Variants in MINPP1 observed in about 807,000 individuals in gnomAD.
MINPP1 encodes the protein multiple inositol polyphosphate phosphatase 1.
Under a neutral mutation model 46.1 loss-of-function variants are expected in MINPP1, and 28 were observed. The observed-to-expected ratio is 0.61, with a 90% CI of 0.45 to 0.83. MINPP1 has a LOEUF of 0.83. Ranked by LOEUF, MINPP1 falls within the 40% of genes least tolerant of loss-of-function variation. MINPP1 has a pLI of 0.00. For synonymous variants in MINPP1, 268 were observed against 249.1 expected, an observed-to-expected ratio of 1.08 and a Z score of -0.72; for missense variants, 603 against 610.0, an observed-to-expected ratio of 0.99 and a Z score of 0.12.
At chr10:87,514,536 A>G (rs571532098) in intron 3 of MINPP1, among the ~76,000 whole-genome samples, 7 of 152,080 alleles carry the variant, frequency 4.6e-5, no homozygotes, top group Non-Finnish European at 7.4e-5. Context: ...TCCTTCGTAC[A>G]TTGGCGTTTT....
chr10:87,522,588 A>G (rs1851518679), intron 4 of MINPP1, among the ~76,000 whole-genome samples: 1 of 152,216 alleles, frequency 6.6e-6, no homozygotes, highest in Non-Finnish European at 1.5e-5. Context: ...AACAATACAT[A>G]CATACCTTAA....
rs1851975082 is a variant in MINPP1, at chr10:87,552,250, C to G, written c.1236C>G (p.Ala412=). 2 of 1,613,676 alleles carry G rather than the reference C, an allele frequency of 1.2e-6. No homozygotes were observed. The highest frequency in any genetic ancestry group is 1.7e-6 in the Non-Finnish European group (2 of 1,179,826). Residue 412 remains alanine, a synonymous_variant, in exon 5 of 5, where the codon GCC becomes GCG. Coordinates refer to ENST00000371996, the MANE Select transcript of MINPP1 (RefSeq NM_004897.5). The part of the protein sequence containing the change: ...KFRSGLIVPY[A]SNLIFVLYHC... The stretch of plus-strand genomic sequence containing the variant: ...GAAGTGGTCTCATTGTACCTTATGC[C>G]TCGAACCTGATATTTGTGCTTTACC...
At chr10:87,548,816 A>G (rs1851924087) in intron 4 of MINPP1, among the ~76,000 whole-genome samples, 4 of 151,974 alleles carry the variant, frequency 2.6e-5, no homozygotes, top group African/African-American at 9.7e-5. Context: ...GACCTTTAAG[A>G]TATTGGGGGT....
intron 3 of MINPP1, among the ~76,000 whole-genome samples, chr10:87,517,589 C>T (rs2131810689): frequency 6.6e-6 from 1 of 152,140 alleles, no homozygotes; most frequent in East Asian, 1.9e-4. Context: ...TTTTAATTTT[C>T]ATTACTGTAT....
chr10:87,522,236 G>GT (rs201930848), intron 4 of MINPP1, among the ~76,000 whole-genome samples: 7,310 of 151,312 alleles, frequency 0.048, 198 homozygotes, highest in Middle Eastern at 0.083. Context: ...AATTAGTAAA[G>GT]TTTTTTTTTA....
chr10:87,524,025 C>T (rs1564676319), intron 4 of MINPP1, among the ~76,000 whole-genome samples: 1 of 152,186 alleles, frequency 6.6e-6, no homozygotes, highest in Non-Finnish European at 1.5e-5. Context: ...TGAGTATTGG[C>T]TTCAACTTAC....
intron 4 of MINPP1, among the ~76,000 whole-genome samples, chr10:87,537,792 C>T (rs1156843330): frequency 2.6e-5 from 4 of 151,136 alleles, no homozygotes; most frequent in South Asian, 2.1e-4. Flanking sequence ...TTTTTTTAGA[C>T]GGGGTCTCAC....
At chr10:87,543,245 A>AAGGG (rs1851841553) in intron 4 of MINPP1, among the ~76,000 whole-genome samples, 1 of 152,206 alleles carries the variant, frequency 6.6e-6, no homozygotes, top group Admixed American at 6.5e-5. Flanking sequence ...TTATATACAA[A>AAGGG]AGGGAAGCAG....
chr10:87,515,272 A>G (rs145129578), intron 3 of MINPP1, among the ~76,000 whole-genome samples: 4,665 of 152,020 alleles, frequency 0.031, 239 homozygotes, highest in African/African-American at 0.1. Flanking sequence ...CTGTGATCCC[A>G]GCTACTCGGG....
At chr10:87,534,391 AG>A (rs1487128450) in intron 4 of MINPP1, among the ~76,000 whole-genome samples, 1 of 152,152 alleles carries the variant, frequency 6.6e-6, no homozygotes, top group African/African-American at 2.4e-5. Context: ...AATAAGTAAA[AG>A]TTTATATAAC....
At chr10:87,529,614 T>C (rs1433865711) in intron 4 of MINPP1, among the ~76,000 whole-genome samples, 2 of 152,208 alleles carry the variant, frequency 1.3e-5, no homozygotes, top group Non-Finnish European at 2.9e-5. Flanking sequence ...TAACCCGACC[T>C]TTCTCTCTGG....
chr10:87,518,319 A>G (rs1325881005), intron 3 of MINPP1, among the ~76,000 whole-genome samples: 1 of 151,522 alleles, frequency 6.6e-6, no homozygotes, highest in Non-Finnish European at 1.5e-5. Context: ...TTAAATCTCC[A>G]GTTGCCTCCT....
chr10:87,507,722 C>T (rs1851273765), intron 1 of MINPP1: 1 of 470,936 alleles, frequency 2.1e-6, no homozygotes. Flanking sequence ...CAATTGGGGG[C>T]ATAATGTAAT....
intron 4 of MINPP1, among the ~76,000 whole-genome samples, chr10:87,544,062 T>A (rs889165954): frequency 1.3e-5 from 2 of 152,182 alleles, no homozygotes; most frequent in South Asian, 2.1e-4. Flanking sequence ...ATCTTACAAG[T>A]TGAGGACTCA....
At chr10:87,547,984 G>A (rs2131844048) in intron 4 of MINPP1, among the ~76,000 whole-genome samples, 1 of 152,328 alleles carries the variant, frequency 6.6e-6, no homozygotes, top group African/African-American at 2.4e-5. Flanking sequence ...AAGCCTGAGA[G>A]AGATTGAGTC....
chr10:87,529,529 G>T (rs1381037165), intron 4 of MINPP1, among the ~76,000 whole-genome samples: 3 of 152,092 alleles, frequency 2.0e-5, no homozygotes, highest in Admixed American at 2.0e-4. Flanking sequence ...TAGAATATTG[G>T]CCCCCACTCT....
intron 2 of MINPP1, among the ~76,000 whole-genome samples, chr10:87,511,691 C>T (rs1277544480): frequency 6.6e-6 from 1 of 152,076 alleles, no homozygotes; most frequent in Non-Finnish European, 1.5e-5. Context: ...CTTTTTCTCC[C>T]TGTACTCTGA....
Position 87,552,917 on chromosome 10 carries a change from A to T in MINPP1, c.*439A>T, listed in dbSNP as rs950806428. On this transcript the variant is annotated 3_prime_UTR_variant, in exon 5 of 5. Transcript: ENST00000371996. Reference sequence around the variant, plus strand: ...TCTTTTCCTCAGGTAGGACAGCTCTAGCATTTTCTTAATCAGGAATATTGT... The same window carrying T: ...TCTTTTCCTCAGGTAGGACAGCTCTTGCATTTTCTTAATCAGGAATATTGT... The T allele has an allele frequency of 6.2e-6, 1 of 160,766 alleles. No individual in the cohort carries two copies. The highest frequency in any genetic ancestry group is 1.4e-5 in the Non-Finnish European group (1 of 73,376). 10.0% of individuals were successfully genotyped at this position (160,766 alleles called of 1,614,324 possible).
chr10:87,532,387 C>T (rs929554883), intron 4 of MINPP1, among the ~76,000 whole-genome samples: 2 of 152,170 alleles, frequency 1.3e-5, no homozygotes, highest in Non-Finnish European at 2.9e-5. Flanking sequence ...TTATAAAAGC[C>T]ATGTATAATG....
Sources: allele counts gnomAD v4.1 joint callset (sites outside exome capture counted in the v4.1 genomes callset), GRCh38; gene constraint gnomAD v4.1.1; transcripts MANE v1.5; gene names NCBI Gene and HGNC (gene_info 2026-07-23, HGNC 2026-07-21).